RIT2: variants seen among roughly 807,000 people sequenced by gnomAD.
RIT2 encodes the protein GTP-binding protein Rit2.
In RIT2, 24 loss-of-function variants were observed where a neutral mutation model predicts 23.7. The observed-to-expected ratio is 1.01, with a 90% CI of 0.73 to 1.43. The LOEUF is 1.43. Ranked by LOEUF, RIT2 falls within the 40% of genes most tolerant of loss-of-function variation. The pLI is 0.00. For synonymous variants in RIT2, 107 were observed against 91.1 expected, an observed-to-expected ratio of 1.17 and a Z score of -0.99; for missense variants, 236 against 266.9, an observed-to-expected ratio of 0.88 and a Z score of 0.81.
rs538070184 is a variant in RIT2, at chr18:42,922,318, G to A, written c.426+1254C>T. ...AGATAGGAGACAACTATTTGTTTTA[G>A]TGAAGATTCCTACGTTAGTAAAAGG... is the stretch of plus-strand genomic sequence containing the variant. On this transcript the variant is annotated intron_variant, in intron 4 of 4. Transcript: ENST00000326695. Among the ~76,000 whole-genome samples the A allele has an allele frequency of 2.6e-5, 4 of 152,214 alleles. No individual in the cohort carries two copies. In the South Asian group the frequency reaches 8.3e-4, roughly 32 times the overall value.
intron 1 of RIT2, among the ~76,000 whole-genome samples, chr18:43,036,262 G>A (rs1334610516): frequency 2.0e-5 from 3 of 152,148 alleles, no homozygotes; most frequent in African/African-American, 2.4e-5. Flanking sequence ...CACCTAGGCC[G>A]GGAGCAGTGG....
chr18:42,795,666 T>C (rs1427665575), intron 4 of RIT2, among the ~76,000 whole-genome samples: 1 of 152,238 alleles, frequency 6.6e-6, no homozygotes, highest in Non-Finnish European at 1.5e-5. Context: ...GGGTGCGGGA[T>C]CCACTGGGTG....
chr18:42,926,985 GAC>G (rs1344142439), intron 3 of RIT2, among the ~76,000 whole-genome samples: 2 of 151,812 alleles, frequency 1.3e-5, no homozygotes, highest in African/African-American at 4.8e-5. Flanking sequence ...GATGGATTAG[GAC>G]ACACACTTAA....
intron 1 of RIT2, among the ~76,000 whole-genome samples, chr18:43,068,249 G>A (rs901812701): frequency 1.3e-5 from 2 of 152,130 alleles, no homozygotes; most frequent in African/African-American, 4.8e-5. Context: ...AGGTACAGAT[G>A]AGTAAACTGA....
intron 4 of RIT2, among the ~76,000 whole-genome samples, chr18:42,911,607 C>A (rs561685484): frequency 6.6e-6 from 1 of 151,768 alleles, no homozygotes; most frequent in Non-Finnish European, 1.5e-5. Context: ...TACATATATG[C>A]AAAATTTTTA....
At chr18:43,084,491 C>A (rs1349804850) in intron 1 of RIT2, among the ~76,000 whole-genome samples, 1 of 152,158 alleles carries the variant, frequency 6.6e-6, no homozygotes, top group Non-Finnish European at 1.5e-5. Flanking sequence ...AACCCAAATG[C>A]CCATCGATTA....
intron 4 of RIT2, among the ~76,000 whole-genome samples, chr18:42,773,713 G>T (rs1913602991): frequency 6.6e-6 from 1 of 152,076 alleles, no homozygotes; most frequent in African/African-American, 2.4e-5. Context: ...AAGGATAATT[G>T]TATGAAGAAT....
chr18:42,948,783 A>G (rs1460903941), intron 3 of RIT2, among the ~76,000 whole-genome samples: 1 of 152,114 alleles, frequency 6.6e-6, no homozygotes, highest in Non-Finnish European at 1.5e-5. Context: ...AACCAAAAGC[A>G]TGCAAAACGC....
chr18:43,087,885 T>C (rs2144356203), intron 1 of RIT2, among the ~76,000 whole-genome samples: 1 of 152,332 alleles, frequency 6.6e-6, no homozygotes. Flanking sequence ...ATGTGAGCGA[T>C]ACATGTAGAA....
At chr18:43,110,326 G>A (rs1417766028) in intron 1 of RIT2, among the ~76,000 whole-genome samples, 1 of 151,628 alleles carries the variant, frequency 6.6e-6, no homozygotes, top group Non-Finnish European at 1.5e-5. Context: ...AATCCCAAAT[G>A]CAGATATTTT....
At chr18:42,942,242 G>T (rs533331362) in intron 3 of RIT2, among the ~76,000 whole-genome samples, 32 of 152,188 alleles carry the variant, frequency 2.1e-4, no homozygotes, top group African/African-American at 7.5e-4. Flanking sequence ...CATAAGGACT[G>T]CTTTTTACTG....
intron 4 of RIT2, among the ~76,000 whole-genome samples, chr18:42,818,108 C>T (rs1906049058): frequency 6.6e-6 from 1 of 151,882 alleles, no homozygotes; most frequent in Non-Finnish European, 1.5e-5. Flanking sequence ...AAAACATCTA[C>T]TTAATATGCT....
intron 3 of RIT2, among the ~76,000 whole-genome samples, chr18:42,940,850 A>T (rs1450942013): frequency 6.6e-6 from 1 of 152,166 alleles, no homozygotes; most frequent in Non-Finnish European, 1.5e-5. Flanking sequence ...ATTCCAAAAT[A>T]GCATGCTGGT....
rs759231206 is a variant in RIT2 at position 43,082,615 on chromosome 18, C to G, written c.103+32802G>C. 5.9e-5 allele frequency among the ~76,000 whole-genome samples: 9 copies of G among 151,916 alleles called. No homozygotes were observed. In the East Asian group the frequency reaches 1.4e-3, roughly 23 times the overall value. On this transcript the variant is annotated intron_variant, in intron 1 of 4. Transcript: ENST00000326695. ...ACATAATCCATCACATAAACAGAAC[C>G]AATGACAAAAGCCACCTGATTATTT...
At chr18:42,754,041 T>C (rs933969872) in intron 4 of RIT2, among the ~76,000 whole-genome samples, 7 of 152,186 alleles carry the variant, frequency 4.6e-5, no homozygotes, top group African/African-American at 9.7e-5. Flanking sequence ...AGGGTGTTCC[T>C]TCCAAGAGTG....
chr18:43,093,159 C>T (rs922232471), intron 1 of RIT2, among the ~76,000 whole-genome samples: 1 of 152,032 alleles, frequency 6.6e-6, no homozygotes, highest in East Asian at 1.9e-4. Context: ...AGCTGGAAAA[C>T]ATCTTGAGTT....
In RIT2 at chr18:42,976,524, C is replaced by T. The variant is rs1042688520; in HGVS notation, c.161-2377G>A. The stretch of plus-strand genomic sequence containing the variant: ...GTCTGATTTTAGGAAAATCACCTGA[C>T]CTCTCTAAAAGGTAGATGTCTCATT... On this transcript the variant is annotated intron_variant, in intron 2 of 4. Coordinates refer to ENST00000326695, the MANE Select transcript of RIT2 (RefSeq NM_002930.4). Among the ~76,000 whole-genome samples the T allele has an allele frequency of 5.9e-5, 9 of 152,072 alleles. 1 individual carries two copies. The South Asian group carries it at 1.5e-3, about 25-fold the overall frequency.
chr18:43,028,060 A>G (rs1033498868), intron 2 of RIT2, among the ~76,000 whole-genome samples: 6 of 152,232 alleles, frequency 3.9e-5, no homozygotes, highest in Admixed American at 1.3e-4. Flanking sequence ...CCTACTTTTT[A>G]TATGGGAAGA....
At chr18:42,816,777 C>T (rs1039717452) in intron 4 of RIT2, among the ~76,000 whole-genome samples, 1 of 151,952 alleles carries the variant, frequency 6.6e-6, no homozygotes, top group African/African-American at 2.4e-5. Flanking sequence ...GATAAAAAAA[C>T]CAACAATAAA....
Sources: gnomAD v4.1 joint callset for allele counts (sites outside exome capture counted in the v4.1 genomes callset) on GRCh38, gnomAD v4.1.1 for gene constraint, MANE v1.5 for transcripts, NCBI Gene and HGNC (gene_info 2026-07-23, HGNC 2026-07-21) for gene names.